The following RNF216 variants were observed in gnomAD, a reference collection of about 807,000 sequenced individuals.
The protein encoded by RNF216 is E3 ubiquitin-protein ligase RNF216.
A neutral mutation model predicts 110.8 loss-of-function variants in RNF216; 72 were observed. That is an observed-to-expected ratio of 0.65 (90% CI 0.54 to 0.79). The LOEUF (loss-of-function observed/expected upper bound fraction) is 0.79, where lower values mean the gene tolerates loss of function less well. Among genes scored for constraint, RNF216 ranks in the 30% least tolerant of loss-of-function variants. The probability of loss-of-function intolerance (pLI) is 0.00; values close to 1 mark genes in which losing one functional copy is unlikely to be tolerated. For synonymous variants in RNF216, 495 were observed against 407.5 expected (o/e 1.21, Z -2.59); for missense variants, 1,342 against 1,141.2 (o/e 1.18, Z -2.54).
chr7:5,721,806 C>A (rs570688170), intron 8 of RNF216, among the ~76,000 whole-genome samples: 1 of 152,184 alleles, frequency 6.6e-6, no homozygotes, highest in African/African-American at 2.4e-5. Context: ...GCTGAAGGAA[C>A]AGTACCTAGA....
intron 13 of RNF216, among the ~76,000 whole-genome samples, chr7:5,695,269 C>A (rs1445152111): frequency 6.6e-6 from 1 of 152,230 alleles, no homozygotes; most frequent in Admixed American, 6.5e-5. Flanking sequence ...ACAAAACCAC[C>A]TGCGCAGACC....
At chr7:5,762,860 C>G (rs1796006202) in intron 1 of RNF216, among the ~76,000 whole-genome samples, 1 of 152,080 alleles carries the variant, frequency 6.6e-6, no homozygotes, top group South Asian at 2.1e-4. Flanking sequence ...TTAAAGCAAA[C>G]AAGACAAAAC....
At chr7:5,773,691 CCT>C (rs774190539) in intron 1 of RNF216, among the ~76,000 whole-genome samples, 1 of 152,140 alleles carries the variant, frequency 6.6e-6, no homozygotes, top group Non-Finnish European at 1.5e-5. Flanking sequence ...CCTCAGCCTC[CCT>C]GAGTAGCTGG....
intron 2 of RNF216, among the ~76,000 whole-genome samples, chr7:5,755,695 T>C (rs951137478): frequency 1.3e-5 from 2 of 152,242 alleles, no homozygotes; most frequent in East Asian, 1.9e-4. Context: ...TATTCCTTCT[T>C]CTGTTGATAG....
At chr7:5,704,739 G>A (rs1792180647) in intron 13 of RNF216, among the ~76,000 whole-genome samples, 1 of 152,174 alleles carries the variant, frequency 6.6e-6, no homozygotes, top group South Asian at 2.1e-4. Flanking sequence ...ACAAGGTGGG[G>A]ACTTCTCTCA....
At chr7:5,668,846 C>A (rs1484364018) in intron 13 of RNF216, among the ~76,000 whole-genome samples, 1 of 152,150 alleles carries the variant, frequency 6.6e-6, no homozygotes, top group Admixed American at 6.5e-5. Context: ...GGTGTATCTT[C>A]CCCATATCTT....
rs371909272 is a variant in RNF216, at chr7:5,741,705, T to C, written c.312A>G (p.Glu104=). ...CTGAAAAATAGCTGCTCTTATCTGATTCAAATGCTGCTCTAGACTTTTTAG... is the reference window on the plus strand; with the variant it reads ...CTGAAAAATAGCTGCTCTTATCTGACTCAAATGCTGCTCTAGACTTTTTAG... ...ERPKKSRAAF[E]SDKSSYFSVC... is the part of the protein sequence containing the mutation. The change falls in exon 4 of 17, where the codon GAA becomes GAG. Residue 104 remains glutamate (E), a synonymous_variant. Transcript: ENST00000389902. 7.0e-5 allele frequency: 113 copies of C among 1,614,128 alleles called. No individual in the cohort carries two copies. The highest frequency in any genetic ancestry group is 3.2e-5 in the Non-Finnish European group (38 of 1,180,052).
At chr7:5,704,126 C>G (rs1449811634) in intron 13 of RNF216, among the ~76,000 whole-genome samples, 1 of 152,202 alleles carries the variant, frequency 6.6e-6, no homozygotes, top group Non-Finnish European at 1.5e-5. Context: ...AAGACTCTCT[C>G]CATTTCATCA....
chr7:5,775,930 C>T (rs1323851232), intron 1 of RNF216, among the ~76,000 whole-genome samples: 2 of 152,034 alleles, frequency 1.3e-5, no homozygotes, highest in Non-Finnish European at 2.9e-5. Context: ...AGATGACATG[C>T]CCGTGTCACA....
Position 5,624,225 on chromosome 7 carries a change from C to G in RNF216, c.2383-100G>C. On this transcript the variant is annotated intron_variant, in intron 15 of 16. Transcript: ENST00000389902. The surrounding 1 kb of genome is among the most constrained non-coding windows in gnomAD (Gnocchi z 4.4). ...CCGCTTGTTGCTTATGGCCATGGAA[C>G]AAGCCCGAAGCCTGCTGCTGGCCAG... is the stretch of plus-strand genomic sequence containing the variant. The G allele has an allele frequency of 3.0e-5, 29 of 976,210 alleles. No individual in the cohort carries two copies. The highest frequency in any genetic ancestry group is 4.4e-5 in the Non-Finnish European group (28 of 639,680). The allele number at this position is 976,210 out of a possible 1,614,324, so 60.5% of individuals were successfully genotyped here. A position where few individuals can be genotyped will look rare whatever the true frequency, so the allele number is the denominator to read the frequency against.
intron 13 of RNF216, among the ~76,000 whole-genome samples, chr7:5,707,936 A>C (rs897994954): frequency 1.3e-5 from 2 of 152,196 alleles, no homozygotes; most frequent in South Asian, 4.1e-4. Flanking sequence ...CATGTTGGCC[A>C]GGCTGGTCTC....
At chr7:5,781,116 G>T (rs951610031) in intron 1 of RNF216, among the ~76,000 whole-genome samples, 40 of 152,312 alleles carry the variant, frequency 2.6e-4, no homozygotes, top group Non-Finnish European at 4.9e-4. Flanking sequence ...CGCCCGCCTG[G>T]GCTGGGGTTC....
intron 15 of RNF216, among the ~76,000 whole-genome samples, chr7:5,639,705 C>A (rs180893150): frequency 1.3e-5 from 2 of 152,134 alleles, no homozygotes; most frequent in East Asian, 1.9e-4. Context: ...GGTGATCCAC[C>A]CGCCTTGGTT....
At chr7:5,662,934 C>A (rs994456134) in intron 13 of RNF216, among the ~76,000 whole-genome samples, 1 of 152,082 alleles carries the variant, frequency 6.6e-6, no homozygotes, top group Non-Finnish European at 1.5e-5. Context: ...GTAGACGGAG[C>A]TGGGACAGGA....
intron 5 of RNF216, among the ~76,000 whole-genome samples, chr7:5,731,389 T>C (rs1481208527): frequency 6.9e-6 from 1 of 145,138 alleles, no homozygotes; most frequent in African/African-American, 2.9e-5. Flanking sequence ...GCTAGACTGA[T>C]GAACAGATCA....
intron 13 of RNF216, among the ~76,000 whole-genome samples, chr7:5,657,745 C>A (rs185567881): frequency 6.6e-6 from 1 of 152,070 alleles, no homozygotes; most frequent in African/African-American, 2.4e-5. Flanking sequence ...CCCATACGCC[C>A]AAATGACATA....
intron 8 of RNF216, among the ~76,000 whole-genome samples, chr7:5,724,037 C>T (rs567182867): frequency 2.6e-5 from 4 of 152,146 alleles, no homozygotes; most frequent in Non-Finnish European, 5.9e-5. Context: ...GAAACTGAAT[C>T]AAATGAAATG....
intron 14 of RNF216, among the ~76,000 whole-genome samples, chr7:5,646,875 C>T (rs1273828085): frequency 1.3e-5 from 2 of 152,006 alleles, no homozygotes; most frequent in African/African-American, 2.4e-5. Flanking sequence ...TCATCTGTAA[C>T]TTTCTTAGTT....
At chr7:5,757,841 A>G (rs1207639881) in intron 2 of RNF216, among the ~76,000 whole-genome samples, 1 of 152,138 alleles carries the variant, frequency 6.6e-6, no homozygotes, top group Non-Finnish European at 1.5e-5. Flanking sequence ...AAAACTACAG[A>G]GGTTGATGCA....
Sources: gnomAD v4.1 joint callset for allele counts (sites outside exome capture counted in the v4.1 genomes callset) on GRCh38, gnomAD v4.1.1 for gene constraint, Gnocchi (gnomAD v3.1) non-coding constraint, MANE v1.5 for transcripts, NCBI Gene and HGNC (gene_info 2026-07-23, HGNC 2026-07-21) for gene names.